The following NSD3 variants were observed in gnomAD, a reference collection of about 807,000 sequenced individuals.
NSD3 encodes nuclear receptor binding SET domain protein 3.
A neutral mutation model predicts 160.8 loss-of-function variants in NSD3; 24 were observed. That is an observed-to-expected ratio of 0.15 (90% CI 0.11 to 0.21). The LOEUF (loss-of-function observed/expected upper bound fraction) is 0.21. Among genes scored for constraint, NSD3 ranks in the 10% least tolerant of loss-of-function variants. NSD3 has a pLI of 1.00. For synonymous variants in NSD3, 520 were observed against 600.0 expected (o/e 0.87, Z 1.95); for missense variants, 1,157 against 1,735.9 (o/e 0.67, Z 5.93).
chr8:38,367,847 T>C (rs1811142223), intron 1 of NSD3, among the ~76,000 whole-genome samples: 1 of 152,212 alleles, frequency 6.6e-6, no homozygotes, highest in Non-Finnish European at 1.5e-5. Flanking sequence ...AGATAGGATT[T>C]TAGGGAGTAA....
intron 15 of NSD3, 111 bp from the exon 16 acceptor site, chr8:38,296,063 A>G (rs1809130607): frequency 1.8e-6 from 2 of 1,111,078 alleles, no homozygotes; most frequent in Non-Finnish European, 2.5e-6. Context: ...ATTGGGGGAA[A>G]ATAACAAAGG....
In NSD3 at chr8:38,329,551, A is replaced by G; in HGVS notation, c.1408T>C (p.Trp470Arg). 3.1e-6 allele frequency: 5 copies of G among 1,614,180 alleles called. No individual in the cohort carries two copies. Among genetic ancestry groups the G allele is most frequent in the Non-Finnish European group, 4.2e-6 (5 of 1,180,028 alleles). ...GATTTCCTTGCTGCCGCAGTTTTCC[A>G]GGCTATTTTAACAGGCGGTGGCTCT... ...EEEPPPVKIAWKTAAARKSLP... is the reference protein window; with the variant it reads ...EEEPPPVKIARKTAAARKSLP... Residue 470 changes from tryptophan (W) to arginine (R), a missense_variant, in exon 6 of 24, where the codon TGG becomes CGG. This residue lies in a region of NSD3 where 168 missense variants were observed against 208.1 expected (regional missense o/e 0.81). Transcript: ENST00000317025. The surrounding 1 kb of genome is among the most constrained non-coding windows in gnomAD (Gnocchi z 4.8).
At chr8:38,374,142 T>G (rs1398996517) in intron 1 of NSD3, among the ~76,000 whole-genome samples, 12 of 149,154 alleles carry the variant, frequency 8.0e-5, no homozygotes, top group African/African-American at 9.9e-5. Flanking sequence ...TTGGGCAGGG[T>G]GGCACATGTG....
rs13034 is a variant in NSD3 at position 38,347,615 on chromosome 8, G to A, written c.557C>T (p.Thr186Met). The A allele has an allele frequency of 2.9e-3, 4,657 of 1,613,546 alleles. 144 individuals are homozygous for A. In the African/African-American group the frequency reaches 0.056, roughly 19 times the overall value. The change falls in exon 2 of 24, where the codon ACG becomes ATG. Residue 186 changes from threonine (T) to methionine (M), a missense_variant. Physicochemically the swap from Thr to Met is moderately conservative, Grantham distance 81. This residue lies in a region of NSD3 where 99 missense variants were observed against 151.8 expected (regional missense o/e 0.65). Coordinates refer to ENST00000317025, the MANE Select transcript of NSD3 (RefSeq NM_023034.2). ...LLNEVQASEH[T>M]KSKHESRKEK... ...TTTTCTGCTTTCATGCTTTGATTTCGTGTGCTCACTTGCCTGTACTTCATT... is the reference window on the plus strand; with the variant it reads ...TTTTCTGCTTTCATGCTTTGATTTCATGTGCTCACTTGCCTGTACTTCATT...
intron 1 of NSD3, among the ~76,000 whole-genome samples, chr8:38,367,124 G>A (rs1403337087): frequency 1.3e-5 from 2 of 152,008 alleles, no homozygotes; most frequent in South Asian, 2.1e-4. Context: ...ATATACCTAG[G>A]GACAAGCAAA....
intron 16 of NSD3, among the ~76,000 whole-genome samples, chr8:38,291,916 C>T (rs117687898): frequency 1.6e-3 from 247 of 152,284 alleles, no homozygotes; most frequent in Non-Finnish European, 2.3e-3. Flanking sequence ...AATTAGTTCA[C>T]GGATGGAAGT....
Position 38,275,349 on chromosome 8 carries a change from A to C in NSD3, c.*292T>G. ...AAAACTTACTTTTCTCTTTGTTCTT[A>C]TTTTAACAGCAAAAACATTTCTTTT... On this transcript the variant is annotated 3_prime_UTR_variant, in exon 24 of 24. Transcript: ENST00000317025. 1 of 332,040 alleles carries C rather than the reference A, an allele frequency of 3.0e-6. No homozygotes were observed. Among genetic ancestry groups the C allele is most frequent in the African/African-American group, 2.1e-5 (1 of 47,962 alleles). 20.6% of individuals were successfully genotyped at this position (332,040 alleles called of 1,614,324 possible). A position where few individuals can be genotyped will look rare whatever the true frequency, so the allele number is the denominator to read the frequency against.
chr8:38,280,236 C>G (rs1192073212), intron 20 of NSD3: 1 of 152,176 alleles, frequency 6.6e-6, no homozygotes, highest in Non-Finnish European at 1.5e-5. Context: ...CATTGAAAAG[C>G]TGAATATTCA....
At chr8:38,295,236 A>G (rs938762738) in intron 16 of NSD3, among the ~76,000 whole-genome samples, 1 of 151,516 alleles carries the variant, frequency 6.6e-6, no homozygotes, top group African/African-American at 2.4e-5. Flanking sequence ...AGTAGTACAT[A>G]GCCCATTAGT....
chr8:38,380,386 C>G (rs1811506729), intron 1 of NSD3, among the ~76,000 whole-genome samples: 1 of 152,210 alleles, frequency 6.6e-6, no homozygotes, highest in African/African-American at 2.4e-5. Context: ...GCCAAGAGCA[C>G]AGGCCCAAGT....
In NSD3 at chr8:38,329,558, T is replaced by C. The variant is rs1441581011; in HGVS notation, c.1401A>G (p.Lys467=). 4 of 1,614,236 alleles carry C rather than the reference T, an allele frequency of 2.5e-6. No individual in the cohort carries two copies. The highest frequency in any genetic ancestry group is 1.7e-5 in the Admixed American group (1 of 60,024). Residue 467 remains lysine, a synonymous_variant, in exon 6 of 24, where the codon AAA becomes AAG. Coordinates refer to ENST00000317025, the MANE Select transcript of NSD3 (RefSeq NM_023034.2). The surrounding 1 kb of genome is among the most constrained non-coding windows in gnomAD (Gnocchi z 4.8). ...SAEEEEPPPV[K]IAWKTAAARK... Reference sequence around the variant, plus strand: ...TTGCTGCCGCAGTTTTCCAGGCTATTTTAACAGGCGGTGGCTCTTCCTCTT... The same window carrying C: ...TTGCTGCCGCAGTTTTCCAGGCTATCTTAACAGGCGGTGGCTCTTCCTCTT...
At chr8:38,342,930 G>A (rs137934317) in intron 2 of NSD3, among the ~76,000 whole-genome samples, 3 of 151,794 alleles carry the variant, frequency 2.0e-5, no homozygotes, top group African/African-American at 7.2e-5. Flanking sequence ...CGTGGCTCAC[G>A]CCTGTAATCC....
Position 38,332,939 on chromosome 8 carries a change from C to T in NSD3, c.911-1354G>A, listed in dbSNP as rs576559871. Among the ~76,000 whole-genome samples, 5 of 152,098 alleles carry T rather than the reference C, an allele frequency of 3.3e-5. No homozygotes were observed. The South Asian group carries it at 1.0e-3, about 32-fold the overall frequency. ...CCCAAAGTAATTAGGAAGAAAAAGG[C>T]AACAGTGGACTCAGATTTTCATATC... On this transcript the variant is annotated intron_variant, in intron 4 of 23. Transcript: ENST00000317025.
At chr8:38,328,496 C>T (rs1311277739) in intron 6 of NSD3, among the ~76,000 whole-genome samples, 1 of 152,122 alleles carries the variant, frequency 6.6e-6, no homozygotes, top group African/African-American at 2.4e-5. Context: ...GTCAGCTGAA[C>T]CTATGGGCAG....
chr8:38,299,970 T>C (rs118158013), intron 14 of NSD3, among the ~76,000 whole-genome samples: 534 of 151,866 alleles, frequency 3.5e-3, no homozygotes, highest in Non-Finnish European at 5.6e-3. Flanking sequence ...TGTAATGAGA[T>C]AGAAATAAGA....
chr8:38,278,780 A>G (rs1325842124), intron 21 of NSD3, among the ~76,000 whole-genome samples: 1 of 152,186 alleles, frequency 6.6e-6, no homozygotes. Context: ...ATGACCATGG[A>G]ATTGTAACAA....
At chr8:38,296,419 A>G (rs1809145067) in intron 15 of NSD3, among the ~76,000 whole-genome samples, 1 of 143,980 alleles carries the variant, frequency 6.9e-6, no homozygotes, top group South Asian at 2.1e-4. Context: ...CAATATAATT[A>G]GCAAGCAAAA....
intron 5 of NSD3, 118 bp from the exon 6 acceptor site, chr8:38,330,011 C>T (rs761129216): frequency 1.1e-4 from 133 of 1,240,786 alleles, no homozygotes; most frequent in Non-Finnish European, 1.4e-4. Context: ...TCTTCAGGTT[C>T]TTTGGTCAAA....
Position 38,281,574 on chromosome 8 carries a change from C to G in NSD3, c.3511G>C (p.Val1171Leu). 6.3e-7 allele frequency: 1 copy of G among 1,598,318 alleles called. No individual in the cohort carries two copies. The highest frequency in any genetic ancestry group is 8.5e-7 in the Non-Finnish European group (1 of 1,172,680). The stretch of plus-strand genomic sequence containing the variant: ...ATTAATTCACCGACGTATTCATTTA[C>G]AAATTCACCCTGGAGATAAATGTGC... ...TKRSIKKGEFVNEYVGELIDE... is the reference protein window; with the variant it reads ...TKRSIKKGEFLNEYVGELIDE... Residue 1171 changes from valine (V) to leucine (L), a missense_variant, in exon 20 of 24, where the codon GTA becomes CTA. Val to Leu is a conservative substitution (Grantham distance 32). Transcript: ENST00000317025.
Sources: gnomAD v4.1 joint callset for allele counts (sites outside exome capture counted in the v4.1 genomes callset) on GRCh38, gnomAD v4.1.1 for gene constraint, gnomAD v4.1.1 regional missense constraint, Gnocchi (gnomAD v3.1) non-coding constraint, MANE v1.5 for transcripts, NCBI Gene and HGNC (gene_info 2026-07-23, HGNC 2026-07-21) for gene names.